Variants in MBTPS1 observed in about 807,000 individuals in gnomAD.
The protein encoded by MBTPS1 is membrane bound transcription factor peptidase, site 1, also known as membrane-bound transcription factor site-1 protease.
In MBTPS1, 94 loss-of-function variants were observed where a neutral mutation model predicts 127.8. That is an observed-to-expected ratio of 0.74 (90% CI 0.62 to 0.87). MBTPS1 has a LOEUF of 0.87. Ranked by LOEUF, MBTPS1 falls within the 40% of genes least tolerant of loss-of-function variation. MBTPS1 has a pLI of 0.00. For synonymous variants in MBTPS1, 632 were observed against 509.4 expected, an observed-to-expected ratio of 1.24 and a Z score of -3.24; for missense variants, 1,636 against 1,353.2, an observed-to-expected ratio of 1.21 and a Z score of -3.28.
At position 84,070,584 on chromosome 16, in the gene MBTPS1, C is replaced by G; in HGVS notation, c.1782+4G>C. 6.2e-7 allele frequency: 1 copy of G among 1,611,334 alleles called. No individual in the cohort carries two copies. Among genetic ancestry groups the G allele is most frequent in the Non-Finnish European group, 8.5e-7 (1 of 1,179,552 alleles). ...AAACAAGCCACTTTCCCGCATATCC[C>G]TACCTCTGTCTCTGCTGGGGAAGCC... is the stretch of plus-strand genomic sequence containing the variant. On this transcript the variant is annotated splice_donor_region_variant and intron_variant, in intron 13 of 22. Transcript: ENST00000343411.
At chr16:84,075,365 A>T (rs531567247) in intron 11 of MBTPS1, 1 of 152,374 alleles carries the variant, frequency 6.6e-6, no homozygotes, top group Non-Finnish European at 1.5e-5. Context: ...AGAAGTGCTG[A>T]CACAAGTGCT....
At chr16:84,073,630 A>T (rs1253887262) in intron 12 of MBTPS1, among the ~76,000 whole-genome samples, 2 of 152,046 alleles carry the variant, frequency 1.3e-5, no homozygotes, top group Non-Finnish European at 2.9e-5. Context: ...TATTATTGTG[A>T]TAGTGTCTAC....
At chr16:84,095,886 A>C in intron 3 of MBTPS1, 81 bp from the exon 4 acceptor site, 2 of 1,117,802 alleles carry the variant, frequency 1.8e-6, no homozygotes, top group Non-Finnish European at 2.6e-6. Context: ...TATCCTAAAC[A>C]CAGGGAGGAT....
intron 6 of MBTPS1, 25 bp from the exon 7 acceptor site, chr16:84,091,873 C>T: frequency 7.7e-7 from 1 of 1,304,784 alleles, no homozygotes; most frequent in African/African-American, 1.4e-5. Flanking sequence ...TAACAGTCTG[C>T]TTAGTGTTTC....
Position 84,067,697 on chromosome 16 carries a change from C to G in MBTPS1, c.2198G>C (p.Arg733Thr), listed in dbSNP as rs1480728248. ...GTTTTCATCATAAAACTTCACTTTTCTCATAACAGAAGTGTTGTACCAGTC... is the reference window on the plus strand; with the variant it reads ...GTTTTCATCATAAAACTTCACTTTTGTCATAACAGAAGTGTTGTACCAGTC... The part of the protein sequence containing the change: ...FSDWYNTSVM[R>T]KVKFYDENTR... The change falls in exon 16 of 23, where the codon AGA (arginine) becomes ACA (threonine). Residue 733 changes from arginine (R) to threonine (T), a missense_variant. By Grantham distance (71) the Arg-to-Thr change is moderately conservative. Coordinates refer to ENST00000343411, the MANE Select transcript of MBTPS1 (RefSeq NM_003791.4). The G allele has an allele frequency of 2.5e-6, 4 of 1,613,534 alleles. No individual in the cohort carries two copies. The highest frequency in any genetic ancestry group is 3.4e-6 in the Non-Finnish European group (4 of 1,179,592).
At chr16:84,069,076 T>A (rs2085731849) in intron 14 of MBTPS1, among the ~76,000 whole-genome samples, 1 of 152,210 alleles carries the variant, frequency 6.6e-6, no homozygotes, top group African/African-American at 2.4e-5. Context: ...CCGTCTCTGG[T>A]CTGAGCCCCT....
chr16:84,059,152 A>G, intron 21 of MBTPS1, 150 bp downstream of exon 21: 2 of 1,002,922 alleles, frequency 2.0e-6, no homozygotes, highest in East Asian at 2.6e-5. Flanking sequence ...AAAGGCCAAT[A>G]CGAGGTTCAC....
At chr16:84,059,612 T>C (rs1418409263) in intron 20 of MBTPS1, 184 bp from the exon 21 acceptor site, 9 of 509,882 alleles carry the variant, frequency 1.8e-5, no homozygotes, top group Non-Finnish European at 2.5e-5. Context: ...TCCCGGACAA[T>C]GTGTGTTTCC....
intron 11 of MBTPS1, among the ~76,000 whole-genome samples, chr16:84,081,025 T>C (rs1178579936): frequency 6.6e-6 from 1 of 152,198 alleles, no homozygotes; most frequent in East Asian, 1.9e-4. Context: ...CAATGTGGGA[T>C]CCTGGACTGG....
At chr16:84,110,185 C>G (rs535733351) in intron 1 of MBTPS1, among the ~76,000 whole-genome samples, 3 of 152,296 alleles carry the variant, frequency 2.0e-5, no homozygotes, top group African/African-American at 7.2e-5. Context: ...ACACGTCAGA[C>G]AGATTTACAC....
chr16:84,113,493 T>C (rs557749797), intron 1 of MBTPS1, among the ~76,000 whole-genome samples: 4 of 152,334 alleles, frequency 2.6e-5, no homozygotes, highest in African/African-American at 9.6e-5. Context: ...GGGATTTGAG[T>C]AGAAGGGAGA....
At chr16:84,110,878 C>T (rs527543142) in intron 1 of MBTPS1, 1 of 152,202 alleles carries the variant, frequency 6.6e-6, no homozygotes, top group African/African-American at 2.4e-5. Context: ...GGCTTTATGT[C>T]CAAAGATACA....
intron 7 of MBTPS1, 46 bp from the exon 8 acceptor site, chr16:84,090,988 CAT>C: frequency 1.1e-6 from 1 of 905,558 alleles, no homozygotes. Flanking sequence ...TTTCATTAAA[CAT>C]ATAACTGTCA....
At chr16:84,091,602 T>C (rs2086107874) in intron 7 of MBTPS1, 130 bp downstream of exon 7, 5 of 667,554 alleles carry the variant, frequency 7.5e-6, no homozygotes, top group Admixed American at 2.3e-5. Flanking sequence ...CTCACGTCAT[T>C]AGCCATCTGT....
chr16:84,115,386 C>G (rs1177306011), intron 1 of MBTPS1, among the ~76,000 whole-genome samples: 2 of 152,208 alleles, frequency 1.3e-5, no homozygotes, highest in Non-Finnish European at 2.9e-5. Flanking sequence ...AGTCGTTTGA[C>G]ACGTGTCTGG....
chr16:84,097,266 G>C (rs553107522), intron 3 of MBTPS1, among the ~76,000 whole-genome samples: 1 of 152,310 alleles, frequency 6.6e-6, no homozygotes, highest in East Asian at 1.9e-4. Context: ...CAGAGAAACT[G>C]TTAACATTTG....
rs567699559 is a variant in MBTPS1 at position 84,099,126 on chromosome 16, T to A, written c.348A>T (p.Thr116=). 4 of 1,614,198 alleles carry A rather than the reference T, an allele frequency of 2.5e-6. No homozygotes were observed. In the South Asian group the frequency reaches 4.4e-5, roughly 18 times the overall value. The stretch of plus-strand genomic sequence containing the variant: ...GTTTGATGTTTGGATGATCTTCAAG[T>A]GTTAGCAGCCCCGCTTTCTGTTTTT... ...IKEKQKAGLL[T]LEDHPNIKRV... The change falls in exon 3 of 23, where the codon ACA becomes ACT. Residue 116 remains threonine, a synonymous_variant. Transcript: ENST00000343411.
chr16:84,098,333 G>C (rs1465655410), intron 3 of MBTPS1, among the ~76,000 whole-genome samples: 2 of 152,202 alleles, frequency 1.3e-5, no homozygotes, highest in South Asian at 4.1e-4. Context: ...AAATCGGGCT[G>C]GGTGCAGTGA....
chr16:84,087,516 A>G (rs1335313562), intron 8 of MBTPS1, 56 bp from the exon 9 acceptor site: 6 of 1,131,186 alleles, frequency 5.3e-6, no homozygotes, highest in Non-Finnish European at 7.8e-6. Context: ...AACAAGAGAA[A>G]TAATTTAAAA....
Sources: allele counts gnomAD v4.1 joint callset (sites outside exome capture counted in the v4.1 genomes callset), GRCh38; gene constraint gnomAD v4.1.1; transcripts MANE v1.5; gene names NCBI Gene and HGNC (gene_info 2026-07-23, HGNC 2026-07-21).